Variants in ALX4 observed in about 807,000 individuals in gnomAD.
ALX4 encodes the protein homeobox protein aristaless-like 4.
In ALX4, 22 loss-of-function variants were observed where a neutral mutation model predicts 40.6. That is an observed-to-expected ratio of 0.54 (90% CI 0.39 to 0.77). The LOEUF (loss-of-function observed/expected upper bound fraction) is 0.77. Among genes scored for constraint, ALX4 ranks in the 30% least tolerant of loss-of-function variants. The pLI is 0.00. For synonymous variants in ALX4, 266 were observed against 240.5 expected, an observed-to-expected ratio of 1.11 and a Z score of -0.98; for missense variants, 556 against 564.8, an observed-to-expected ratio of 0.98 and a Z score of 0.16.
chr11:44,307,096 C>G (rs1021264921), intron 1 of ALX4, among the ~76,000 whole-genome samples: 7 of 148,622 alleles, frequency 4.7e-5, no homozygotes, highest in Non-Finnish European at 1.0e-4. Context: ...GGGACTTGCC[C>G]TGTCCTCAGA....
At chr11:44,300,643 A>G (rs773207624) in intron 1 of ALX4, among the ~76,000 whole-genome samples, 31 of 152,198 alleles carry the variant, frequency 2.0e-4, no homozygotes, top group Admixed American at 5.9e-4. Flanking sequence ...TCTCTCCATC[A>G]TCACATCCTC....
intron 2 of ALX4, among the ~76,000 whole-genome samples, chr11:44,271,681 T>C (rs1310118745): frequency 1.3e-5 from 2 of 152,144 alleles, no homozygotes; most frequent in African/African-American, 2.4e-5. Context: ...TCAACTCCAT[T>C]TTGGAAGTAG....
At chr11:44,282,726 T>C (rs12575691) in intron 1 of ALX4, among the ~76,000 whole-genome samples, 45,563 of 152,092 alleles carry the variant, frequency 0.3, 8,435 homozygotes, top group South Asian at 0.51. Context: ...GTCTCAAATT[T>C]ACATGAAGTG....
At chr11:44,282,356 C>T (rs894738575) in intron 1 of ALX4, among the ~76,000 whole-genome samples, 9 of 152,094 alleles carry the variant, frequency 5.9e-5, no homozygotes, top group South Asian at 4.2e-4. Flanking sequence ...CAAGTTACGG[C>T]GATGTATGGA....
intron 1 of ALX4, among the ~76,000 whole-genome samples, chr11:44,297,009 CAAAAAAAAAAAAA>C (rs60856634): frequency 1.2e-5 from 1 of 86,884 alleles, no homozygotes; most frequent in Non-Finnish European, 2.2e-5. Flanking sequence ...AACTCTGTCT[CAAAAAAAAAAAAA>C]AAAAAAAAAG....
At chr11:44,267,300 G>C (rs1201800324) in intron 3 of ALX4, among the ~76,000 whole-genome samples, 194 bp downstream of exon 3, 1 of 152,146 alleles carries the variant, frequency 6.6e-6, no homozygotes, top group African/African-American at 2.4e-5. Context: ...GCCAAGCCTG[G>C]TTCAATGATT....
In ALX4 at chr11:44,296,915, A is replaced by G. The variant is rs1468532899; in HGVS notation, c.466+12682T>C. On this transcript the variant is annotated intron_variant, in intron 1 of 3. Coordinates refer to ENST00000652299, the MANE Select transcript of ALX4 (RefSeq NM_021926.4). The stretch of plus-strand genomic sequence containing the variant: ...TCCCAGCTACTTGGGAGGCTGAGGC[A>G]AGAGAATCGCTTGAACCCGGGAGGT... Among the ~76,000 whole-genome samples the G allele has an allele frequency of 3.3e-5, 5 of 151,446 alleles. No homozygotes were observed. The East Asian group carries it at 9.8e-4, about 30-fold the overall frequency.
chr11:44,288,028 G>A (rs928917071), intron 1 of ALX4, among the ~76,000 whole-genome samples: 8 of 152,178 alleles, frequency 5.3e-5, no homozygotes, highest in African/African-American at 1.9e-4. Flanking sequence ...CCAGGCTAGA[G>A]TGCAGTGGCA....
chr11:44,299,267 C>T (rs1048195317), intron 1 of ALX4, among the ~76,000 whole-genome samples: 1 of 151,936 alleles, frequency 6.6e-6, no homozygotes, highest in Non-Finnish European at 1.5e-5. Flanking sequence ...AGAACTTCAA[C>T]CTGACAGGTG....
chr11:44,276,032 T>A (rs953930233), intron 1 of ALX4, among the ~76,000 whole-genome samples: 3 of 152,142 alleles, frequency 2.0e-5, no homozygotes, highest in Non-Finnish European at 2.9e-5. Flanking sequence ...GCCCGAGAAT[T>A]CTGACCCCAG....
At chr11:44,281,988 C>A (rs1173591895) in intron 1 of ALX4, among the ~76,000 whole-genome samples, 1 of 152,164 alleles carries the variant, frequency 6.6e-6, no homozygotes, top group African/African-American at 2.4e-5. Context: ...CAGCCACCAA[C>A]CCAAGCCCTG....
At chr11:44,308,836 A>T (rs1268239545) in intron 1 of ALX4, among the ~76,000 whole-genome samples, 1 of 152,016 alleles carries the variant, frequency 6.6e-6, no homozygotes, top group Non-Finnish European at 1.5e-5. Context: ...TCTGTCCTAA[A>T]CCATTGTTCA....
chr11:44,269,240 G>T (rs1200639608), intron 2 of ALX4, among the ~76,000 whole-genome samples: 1 of 152,260 alleles, frequency 6.6e-6, no homozygotes, highest in Non-Finnish European at 1.5e-5. Context: ...ATTGCCAAGG[G>T]CCTCAGTTTC....
chr11:44,267,870 T>A (rs1257024373), intron 2 of ALX4, among the ~76,000 whole-genome samples: 1 of 152,224 alleles, frequency 6.6e-6, no homozygotes, highest in Non-Finnish European at 1.5e-5. Context: ...CCAGAACTTT[T>A]ATTTTTCTAA....
At chr11:44,265,844 T>C (rs7940916) in intron 3 of ALX4, among the ~76,000 whole-genome samples, 115,420 of 152,060 alleles carry the variant, frequency 0.76, 44,503 homozygotes, top group East Asian at 0.95. Flanking sequence ...CGAGGGCATG[T>C]GCAGGGATGA....
chr11:44,275,117 C>G (rs1192978304), intron 2 of ALX4, among the ~76,000 whole-genome samples: 1 of 152,136 alleles, frequency 6.6e-6, no homozygotes, highest in Non-Finnish European at 1.5e-5. Flanking sequence ...CCTTTGCAAC[C>G]CCCCACCACA....
rs180962051 is a variant in ALX4, at chr11:44,275,507, G to A, written c.618C>T (p.Asp206=). ...GCTTCTTGCCCTTGTTGCTCTCTGAGTCGGCCTTCTCCAATGGGCTGGGGA... is the reference window on the plus strand; with the variant it reads ...GCTTCTTGCCCTTGTTGCTCTCTGAATCGGCCTTCTCCAATGGGCTGGGGA... ...SDLPSPLEKA[D]SESNKGKKRR... Residue 206 remains aspartate, a synonymous_variant, in exon 2 of 4, where the codon GAC becomes GAT. Coordinates refer to ENST00000652299, the MANE Select transcript of ALX4 (RefSeq NM_021926.4). 1.8e-5 allele frequency: 29 copies of A among 1,614,064 alleles called. No individual in the cohort carries two copies. The African/African-American group carries it at 3.3e-4, about 19-fold the overall frequency.
Position 44,278,121 on chromosome 11 carries a change from C to T in ALX4, c.467-2463G>A, listed in dbSNP as rs12225916. On this transcript the variant is annotated intron_variant, in intron 1 of 3. Transcript: ENST00000652299. ...GGGCTGAGGGAGGTGAGCACTGAGC[C>T]CTGAGCTCTGATCCCCAGGCCCCAT... Among the ~76,000 whole-genome samples the T allele has an allele frequency of 1.0e-3, 155 of 152,118 alleles. 2 individuals are homozygous for T. The East Asian group carries it at 0.027, about 27-fold the overall frequency.
chr11:44,262,693 T>G lies in ALX4; in HGVS notation c.*2161A>C, dbSNP rs1329870187. 6.6e-6 allele frequency: 1 copy of G among 152,356 alleles called. No individual in the cohort carries two copies. The highest frequency in any genetic ancestry group is 1.5e-5 in the Non-Finnish European group (1 of 68,148). The allele number at this position is 152,356 out of a possible 1,614,324, so 9.4% of individuals were successfully genotyped here. A position where few individuals can be genotyped will look rare whatever the true frequency, so the allele number is the denominator to read the frequency against. ...GGAGCTACCTGGCTCTCCTCCTCTT[T>G]GTCCTGATTCTCTCATGGGTGAGAA... On this transcript the variant is annotated 3_prime_UTR_variant, in exon 4 of 4. Coordinates refer to ENST00000652299, the MANE Select transcript of ALX4 (RefSeq NM_021926.4).
Sources: allele counts gnomAD v4.1 joint callset (sites outside exome capture counted in the v4.1 genomes callset), GRCh38; gene constraint gnomAD v4.1.1; transcripts MANE v1.5; gene names NCBI Gene and HGNC (gene_info 2026-07-23, HGNC 2026-07-21).